Variants in ANKRD33B observed in about 807,000 individuals in gnomAD.
ANKRD33B encodes ankyrin repeat domain 33B.
ANKRD33B carries 6 observed loss-of-function variants against 21.5 expected under a neutral mutation model. The ratio of observed to expected loss-of-function variants is 0.28; its 90% CI spans 0.15 to 0.55. The LOEUF is 0.55. Ranked by LOEUF, ANKRD33B falls within the 20% of genes least tolerant of loss-of-function variation. The probability of loss-of-function intolerance (pLI) is 0.94; values close to 1 mark genes in which losing one functional copy is unlikely to be tolerated. For missense variants in ANKRD33B, 698 were observed against 747.2 expected, an observed-to-expected ratio of 0.93 and a Z score of 0.77; for synonymous variants, 347 against 342.4, an observed-to-expected ratio of 1.01 and a Z score of -0.15.
intron 1 of ANKRD33B, among the ~76,000 whole-genome samples, chr5:10,568,130 A>G (rs1175679894): frequency 6.6e-6 from 1 of 152,200 alleles, no homozygotes; most frequent in Non-Finnish European, 1.5e-5. Context: ...AGAATGTTGG[A>G]TGTGGCTCAG....
chr5:10,618,375 G>T lies in ANKRD33B; in HGVS notation c.409G>T (p.Val137Leu). 3 of 1,537,668 alleles carry T rather than the reference G, an allele frequency of 2.0e-6. No homozygotes were observed. The highest frequency in any genetic ancestry group is 2.6e-6 in the Non-Finnish European group (3 of 1,147,006). Residue 137 changes from valine to leucine, a missense_variant, in exon 2 of 4, where the codon GTG (valine) becomes TTG (leucine). Transcript: ENST00000296657. ...VACYHGFVDT[V>L]VALAECPHVD... ...CTGCTACCACGGCTTTGTGGATACC[G>T]TGGTGGCCTTAGCAGAGTGCCCCCA...
At chr5:10,610,671 G>A (rs1031031759) in intron 1 of ANKRD33B, among the ~76,000 whole-genome samples, 6 of 152,218 alleles carry the variant, frequency 3.9e-5, no homozygotes, top group Admixed American at 6.5e-5. Flanking sequence ...CCAGCACTGC[G>A]TGAATAAACC....
At chr5:10,620,049 G>T (rs1736384784) in intron 2 of ANKRD33B, among the ~76,000 whole-genome samples, 1 of 152,128 alleles carries the variant, frequency 6.6e-6, no homozygotes, top group African/African-American at 2.4e-5. Flanking sequence ...GTCTAGGAGA[G>T]ATGAGGGAAG....
At chr5:10,633,810 T>G (rs1432016424) in intron 2 of ANKRD33B, among the ~76,000 whole-genome samples, 1 of 152,206 alleles carries the variant, frequency 6.6e-6, no homozygotes, top group Non-Finnish European at 1.5e-5. Context: ...GTGATGAGAC[T>G]GGAGTTATGA....
At chr5:10,627,337 G>A (rs1483300) in intron 2 of ANKRD33B, 33,156 of 152,214 alleles carry the variant, frequency 0.22, 4,217 homozygotes, top group East Asian at 0.48. Context: ...GTGAGGAAAC[G>A]CCAGGGGTCT....
Position 10,649,939 on chromosome 5 carries a change from G to A in ANKRD33B, c.1311G>A (p.Gln437=). Residue 437 remains glutamine, a synonymous_variant, in exon 4 of 4, where the codon CAG becomes CAA. Coordinates refer to ENST00000296657, the MANE Select transcript of ANKRD33B (RefSeq NM_001164440.2). The stretch of plus-strand genomic sequence containing the variant: ...GCAAGGCGCCCGCGCCCACCTTCCA[G>A]CCCGAGCGGCCGGCGCGGAAGGGCA... ...RVSKAPAPTF[Q]PERPARKGST... The A allele has an allele frequency of 6.5e-7, 1 of 1,528,542 alleles. No homozygotes were observed. The highest frequency in any genetic ancestry group is 8.7e-7 in the Non-Finnish European group (1 of 1,143,198). 94.7% of individuals were successfully genotyped at this position (1,528,542 alleles called of 1,614,324 possible).
At chr5:10,577,650 C>T (rs1470470803) in intron 1 of ANKRD33B, among the ~76,000 whole-genome samples, 1 of 152,256 alleles carries the variant, frequency 6.6e-6, no homozygotes, top group Non-Finnish European at 1.5e-5. Flanking sequence ...TCGCTTCCTT[C>T]TAGACCTTGC....
intron 1 of ANKRD33B, among the ~76,000 whole-genome samples, chr5:10,617,746 T>C (rs888287304): frequency 6.6e-6 from 1 of 152,174 alleles, no homozygotes; most frequent in African/African-American, 2.4e-5. Flanking sequence ...TTACTCCTCC[T>C]CTTCTCACTC....
At chr5:10,599,839 G>A (rs966183684) in intron 1 of ANKRD33B, among the ~76,000 whole-genome samples, 2 of 152,162 alleles carry the variant, frequency 1.3e-5, no homozygotes, top group African/African-American at 4.8e-5. Flanking sequence ...ACTCATTTGG[G>A]CATATACCTA....
chr5:10,625,804 AG>A (rs1736533363), intron 2 of ANKRD33B, among the ~76,000 whole-genome samples: 1 of 152,232 alleles, frequency 6.6e-6, no homozygotes, highest in South Asian at 2.1e-4. Flanking sequence ...GCAAGGCTGT[AG>A]TGAAGTCTTT....
chr5:10,613,990 C>CGTGTGTGTGTGTGTGTGTGTGT (rs59864065), intron 1 of ANKRD33B, among the ~76,000 whole-genome samples: 1 of 141,290 alleles, frequency 7.1e-6, no homozygotes, highest in African/African-American at 2.7e-5. Flanking sequence ...CCAGAGAAAT[C>CGTGTGTGTGTGTGTGTGTGTGT]GTGTGTGTGT....
At chr5:10,596,782 A>C (rs1321816875) in intron 1 of ANKRD33B, among the ~76,000 whole-genome samples, 1 of 152,110 alleles carries the variant, frequency 6.6e-6, no homozygotes, top group African/African-American at 2.4e-5. Context: ...AAAAAATGTT[A>C]AGGGCAGCCA....
rs190177927 is a variant in ANKRD33B, at chr5:10,617,831, C to T, written c.367-502C>T. 1.5e-3 allele frequency among the ~76,000 whole-genome samples: 234 copies of T among 152,320 alleles called. 2 individuals carry two copies. The highest frequency in any genetic ancestry group is 0.013 in the Admixed American group (201 of 15,308). On this transcript the variant is annotated intron_variant, in intron 1 of 3. Transcript: ENST00000296657. Reference sequence around the variant, plus strand: ...GCACAGTCCTGAGTTGGGGCCCTTGCTTGAGCTGTTTCCTCTACTGGGGCA... The same window carrying T: ...GCACAGTCCTGAGTTGGGGCCCTTGTTTGAGCTGTTTCCTCTACTGGGGCA...
Position 10,654,106 on chromosome 5 carries a change from G to A in ANKRD33B, c.*3993G>A, listed in dbSNP as rs1737424664. 6.6e-6 allele frequency: 1 copy of A among 152,466 alleles called. No homozygotes were observed. Among genetic ancestry groups the A allele is most frequent in the Non-Finnish European group, 1.5e-5 (1 of 68,116 alleles). The allele number at this position is 152,466 out of a possible 1,614,324, so 9.4% of individuals were successfully genotyped here. The stretch of plus-strand genomic sequence containing the variant: ...CCTACCCTAAGGTCTTCCAAGAACA[G>A]AAAAGCCAGGGCCTGTGTGGGGCAA... On this transcript the variant is annotated 3_prime_UTR_variant, in exon 4 of 4. Transcript: ENST00000296657.
chr5:10,566,836 G>A (rs149846068), intron 1 of ANKRD33B, among the ~76,000 whole-genome samples: 1 of 152,296 alleles, frequency 6.6e-6, no homozygotes, highest in East Asian at 1.9e-4. Flanking sequence ...TCTCCTCTTA[G>A]GATGTGAGCA....
Position 10,564,700 on chromosome 5 carries a change from G to A in ANKRD33B, c.233G>A (p.Gly78Asp), listed in dbSNP as rs1735007020. The A allele has an allele frequency of 1.3e-6, 2 of 1,533,666 alleles. No individual in the cohort carries two copies. The highest frequency in any genetic ancestry group is 2.7e-5 in the African/African-American group (2 of 72,964). The part of the protein sequence containing the change: ...GVESAESVPE[G>D]VPESVPETAT... ...GAGAGCGCGGAGAGCGTCCCGGAGG[G>A]CGTCCCGGAAAGCGTCCCGGAGACG... The change falls in exon 1 of 4, where the codon GGC becomes GAC. Residue 78 changes from glycine to aspartate, a missense_variant. Gly to Asp is a moderately conservative substitution (Grantham distance 94). This residue lies in a region of ANKRD33B where 148 missense variants were observed against 154.9 expected (regional missense o/e 0.96). Transcript: ENST00000296657.
intron 3 of ANKRD33B, among the ~76,000 whole-genome samples, chr5:10,645,386 C>G (rs1320680432): frequency 6.6e-6 from 1 of 152,232 alleles, no homozygotes; most frequent in Non-Finnish European, 1.5e-5. Flanking sequence ...CCACCTCCTG[C>G]TAGTCCTGGG....
At position 10,583,517 on chromosome 5, in the gene ANKRD33B, G is replaced by A. The variant is rs115824199; in HGVS notation, c.366+18684G>A. On this transcript the variant is annotated intron_variant, in intron 1 of 3. Coordinates refer to ENST00000296657, the MANE Select transcript of ANKRD33B (RefSeq NM_001164440.2). Reference sequence around the variant, plus strand: ...CCAGCACCAGTGCCTTCCCCTCTGTGACAATGAAAGTCTCCAGACATTGCC... The same window carrying A: ...CCAGCACCAGTGCCTTCCCCTCTGTAACAATGAAAGTCTCCAGACATTGCC... Among the ~76,000 whole-genome samples, 445 of 152,286 alleles carry A rather than the reference G, an allele frequency of 2.9e-3. 4 individuals are homozygous for A. The highest frequency in any genetic ancestry group is 0.01 in the African/African-American group (430 of 41,532).
intron 1 of ANKRD33B, among the ~76,000 whole-genome samples, chr5:10,578,867 T>G (rs1371394653): frequency 1.3e-5 from 2 of 152,100 alleles, no homozygotes; most frequent in African/African-American, 4.8e-5. Context: ...CTAAGAATAC[T>G]TAAGATACTC....
Sources: allele counts gnomAD v4.1 joint callset (sites outside exome capture counted in the v4.1 genomes callset), GRCh38; gene constraint gnomAD v4.1.1; regional missense constraint gnomAD v4.1.1; transcripts MANE v1.5; gene names NCBI Gene and HGNC (gene_info 2026-07-23, HGNC 2026-07-21).